Variants in DTNB observed in about 807,000 individuals in gnomAD.
DTNB encodes the protein DTN-B.
Under a neutral mutation model 90.7 loss-of-function variants are expected in DTNB, and 63 were observed. That is an observed-to-expected ratio of 0.69 (90% confidence interval 0.57 to 0.86). The LOEUF is 0.86. Ranked by LOEUF, DTNB falls within the 40% of genes least tolerant of loss-of-function variation. The pLI is 0.00. For synonymous variants in DTNB, 277 were observed against 286.7 expected, an observed-to-expected ratio of 0.97 and a Z score of 0.34; for missense variants, 744 against 807.1, an observed-to-expected ratio of 0.92 and a Z score of 0.95.
intron 9 of DTNB, among the ~76,000 whole-genome samples, chr2:25,501,418 C>A (rs1007728330): frequency 1.3e-5 from 2 of 151,816 alleles, no homozygotes; most frequent in South Asian, 4.2e-4. Flanking sequence ...CTCGCTCTGT[C>A]GCCCAGGCTA....
chr2:25,585,564 A>G (rs1312454250), intron 6 of DTNB, among the ~76,000 whole-genome samples: 3 of 152,202 alleles, frequency 2.0e-5, no homozygotes, highest in African/African-American at 7.2e-5. Context: ...TAACCCCTTA[A>G]AAATGAAAAA....
chr2:25,444,605 C>T lies in DTNB; in HGVS notation c.1257+6943G>A, dbSNP rs189081947. Among the ~76,000 whole-genome samples, 91 of 151,702 alleles carry T rather than the reference C, an allele frequency of 6.0e-4. No individual in the cohort carries two copies. The East Asian group carries it at 8.5e-3, about 14-fold the overall frequency. Reference sequence around the variant, plus strand: ...TCTCTCTCCTGGCTCATATAAGCAACGTGAAATGTCTTTCTTCAAAGGTCA... The same window carrying T: ...TCTCTCTCCTGGCTCATATAAGCAATGTGAAATGTCTTTCTTCAAAGGTCA... On this transcript the variant is annotated intron_variant, in intron 12 of 20. Transcript: ENST00000406818.
chr2:25,579,432 G>A (rs1193653005), intron 7 of DTNB, among the ~76,000 whole-genome samples: 1 of 152,180 alleles, frequency 6.6e-6, no homozygotes, highest in Non-Finnish European at 1.5e-5. Context: ...ATTCTTCCGG[G>A]GGGATAAAAG....
intron 18 of DTNB, among the ~76,000 whole-genome samples, chr2:25,384,884 C>CTTTTT (rs781402500): frequency 1.4e-5 from 2 of 146,328 alleles, no homozygotes; most frequent in Non-Finnish European, 1.5e-5. Flanking sequence ...CTTTTCTTTT[C>CTTTTT]TTTTTTTTTT....
chr2:25,413,540 T>C lies in DTNB; in HGVS notation c.1575+5975A>G, dbSNP rs544981694. Among the ~76,000 whole-genome samples the C allele has an allele frequency of 2.4e-4, 36 of 152,132 alleles. No homozygotes were observed. In the South Asian group the frequency reaches 6.8e-3, roughly 29 times the overall value. ...GTTTGGTTTTTTGTTCTTGCGATAG[T>C]TTGCTGAGAATGACGGTTTCCAGCT... is the stretch of plus-strand genomic sequence containing the variant. On this transcript the variant is annotated intron_variant, in intron 16 of 20. Transcript: ENST00000406818.
intron 8 of DTNB, among the ~76,000 whole-genome samples, chr2:25,549,915 C>G (rs905417067): frequency 2.0e-5 from 3 of 152,078 alleles, no homozygotes; most frequent in Non-Finnish European, 4.4e-5. Context: ...CCTGCCTCAC[C>G]CTCCCAAAGT....
At chr2:25,609,706 A>ACG in intron 4 of DTNB, among the ~76,000 whole-genome samples, 1 of 145,548 alleles carries the variant, frequency 6.9e-6, no homozygotes, top group East Asian at 2.0e-4. Flanking sequence ...ACACACACAC[A>ACG]CAAAATTAAA....
chr2:25,658,192 G>A lies in DTNB; in HGVS notation c.-1-5531C>T, dbSNP rs575022606. On this transcript the variant is annotated intron_variant, in intron 1 of 20. Coordinates refer to ENST00000406818, the MANE Select transcript of DTNB (RefSeq NM_021907.5). Reference sequence around the variant, plus strand: ...GAATTGGTTGAACCTGGGAGGCGGAGGTTGCAGTGTGCTGAAATCGCACCA... The same window carrying A: ...GAATTGGTTGAACCTGGGAGGCGGAAGTTGCAGTGTGCTGAAATCGCACCA... Among the ~76,000 whole-genome samples, 10 of 151,922 alleles carry A rather than the reference G, an allele frequency of 6.6e-5. No homozygotes were observed. The East Asian group carries it at 1.7e-3, about 27-fold the overall frequency.
At chr2:25,528,738 T>C (rs2077610786) in intron 9 of DTNB, among the ~76,000 whole-genome samples, 1 of 152,200 alleles carries the variant, frequency 6.6e-6, no homozygotes, top group Non-Finnish European at 1.5e-5. Flanking sequence ...GTGTATTTTA[T>C]TGCATGTAAA....
chr2:25,649,936 G>C (rs1436652100), intron 2 of DTNB: 1 of 839,810 alleles, frequency 1.2e-6, no homozygotes, highest in Admixed American at 6.2e-5. Context: ...GAAATGAGGG[G>C]GTGGGGCTTC....
At chr2:25,551,151 C>A (rs1371616110) in intron 8 of DTNB, among the ~76,000 whole-genome samples, 1 of 152,204 alleles carries the variant, frequency 6.6e-6, no homozygotes, top group African/African-American at 2.4e-5. Flanking sequence ...TTAGCTACAT[C>A]CAATTTGCTA....
In DTNB at chr2:25,639,063, T is replaced by C. The variant is rs2077675338; in HGVS notation, c.99A>G (p.Ser33=). 6.3e-7 allele frequency: 1 copy of C among 1,592,556 alleles called. No homozygotes were observed. The highest frequency in any genetic ancestry group is 8.6e-7 in the Non-Finnish European group (1 of 1,167,012). Residue 33 remains serine, a synonymous_variant, in exon 3 of 21, where the codon TCA becomes TCG. Transcript: ENST00000406818. ...GTAATTTGCAGGCTGTTCTGTAAGT[T>C]GATAGTCGTATGACATCAAAATTCT... is the stretch of plus-strand genomic sequence containing the variant. ...RAQNFDVIRL[S]TYRTACKLRF...
At chr2:25,422,408 T>C (rs1321613320) in intron 15 of DTNB, among the ~76,000 whole-genome samples, 1 of 136,398 alleles carries the variant, frequency 7.3e-6, no homozygotes, top group East Asian at 2.0e-4. Context: ...TTTTTTTTTT[T>C]TTTTTTTTTT....
chr2:25,577,051 G>T, intron 7 of DTNB, 47 bp from the exon 8 acceptor site: 6 of 1,471,396 alleles, frequency 4.1e-6, no homozygotes, highest in Admixed American at 4.9e-5. Flanking sequence ...AGGAGGGAAG[G>T]GATAGAATAA....
At chr2:25,514,125 CAAGGT>C (rs1248196863) in intron 9 of DTNB, among the ~76,000 whole-genome samples, 31 of 151,656 alleles carry the variant, frequency 2.0e-4, no homozygotes, top group Admixed American at 1.7e-3. Flanking sequence ...GAAACTGAAA[CAAGGT>C]AAGAGGAAAC....
intron 3 of DTNB, among the ~76,000 whole-genome samples, chr2:25,632,079 CAACTACTCGG>C (rs2075871397): frequency 1.3e-5 from 2 of 149,998 alleles, no homozygotes; most frequent in Admixed American, 1.3e-4. Flanking sequence ...CCTCTAATCA[CAACTACTCGG>C]GAGGCCAAGA....
chr2:25,583,341 A>T (rs2061850833), intron 6 of DTNB, among the ~76,000 whole-genome samples: 1 of 151,338 alleles, frequency 6.6e-6, no homozygotes, highest in East Asian at 1.9e-4. Context: ...GAAAATTTTT[A>T]GCTAGTAAAA....
chr2:25,572,421 C>G (rs1338517298), intron 8 of DTNB, among the ~76,000 whole-genome samples: 2 of 150,830 alleles, frequency 1.3e-5, no homozygotes, highest in Non-Finnish European at 3.0e-5. Context: ...TAGCCGAGAT[C>G]GCGCCACTGC....
chr2:25,541,144 A>T (rs895233418), intron 8 of DTNB, among the ~76,000 whole-genome samples: 7 of 152,202 alleles, frequency 4.6e-5, no homozygotes, highest in African/African-American at 1.7e-4. Context: ...TTCTACAGCA[A>T]GAATAAAGTT....
Sources: gnomAD v4.1 joint callset for allele counts (sites outside exome capture counted in the v4.1 genomes callset) on GRCh38, gnomAD v4.1.1 for gene constraint, MANE v1.5 for transcripts, NCBI Gene and HGNC (gene_info 2026-07-23, HGNC 2026-07-21) for gene names.